The following FARS2 variants were observed in gnomAD, a reference collection of about 807,000 sequenced individuals.
FARS2 encodes phenylalanine--tRNA ligase, mitochondrial.
FARS2 carries 40 observed loss-of-function variants against 46.4 expected under a neutral mutation model. The ratio of observed to expected loss-of-function variants is 0.86; its 90% CI spans 0.67 to 1.12. The LOEUF (loss-of-function observed/expected upper bound fraction) is 1.12. Among genes scored for constraint, FARS2 ranks in the 50% most tolerant of loss-of-function variants. The pLI, the probability that FARS2 is intolerant of heterozygous loss-of-function variation, is 0.00. For missense variants in FARS2, 513 were observed against 567.9 expected (o/e 0.90, Z 0.98); for synonymous variants, 234 against 214.9 (o/e 1.09, Z -0.78).
chr6:5,548,062 G>A (rs1025633824), intron 5 of FARS2, among the ~76,000 whole-genome samples: 1 of 152,216 alleles, frequency 6.6e-6, no homozygotes, highest in Non-Finnish European at 1.5e-5. Context: ...TTACATGGCA[G>A]CAGCAAGAGA....
intron 1 of FARS2, among the ~76,000 whole-genome samples, chr6:5,315,761 T>TCTTTCTTTCTTCC (rs1561952069): frequency 7.5e-6 from 1 of 132,714 alleles, no homozygotes; most frequent in Non-Finnish European, 1.6e-5. Flanking sequence ...TTTCTTTCTT[T>TCTTTCTTTCTTCC]TTTTTGGGGA....
chr6:5,426,853 T>G (rs369877506), intron 3 of FARS2, among the ~76,000 whole-genome samples: 13 of 152,344 alleles, frequency 8.5e-5, no homozygotes, highest in African/African-American at 2.6e-4. Context: ...CTCGAACTCC[T>G]GATCTTAACT....
rs546493305 is a variant in FARS2, at chr6:5,487,914, T to C, written c.904+56742T>C. 5.1e-4 allele frequency among the ~76,000 whole-genome samples: 78 copies of C among 152,206 alleles called. 1 individual carries two copies. In the Middle Eastern group the frequency reaches 0.024, roughly 46 times the overall value. ...GGCATGTGGAAAGGCTCAGTAAGCA[T>C]TGATGAGCAGACTGACTTCCATATT... On this transcript the variant is annotated intron_variant, in intron 4 of 6. Transcript: ENST00000274680.
In FARS2 at chr6:5,474,099, C is replaced by T. The variant is rs974131348; in HGVS notation, c.904+42927C>T. On this transcript the variant is annotated intron_variant, in intron 4 of 6. Coordinates refer to ENST00000274680, the MANE Select transcript of FARS2 (RefSeq NM_006567.5). ...AAACACATCATTCATGAATGTCCTT[C>T]ATACCCATCAAACTAAAGGACTGCA... Among the ~76,000 whole-genome samples the T allele has an allele frequency of 3.2e-4, 49 of 152,184 alleles. 1 individual carries two copies. The highest frequency in any genetic ancestry group is 3.2e-3 in the Admixed American group (49 of 15,282).
At chr6:5,770,717 A>G (rs1053066464) in intron 6 of FARS2, among the ~76,000 whole-genome samples, 1 of 152,180 alleles carries the variant, frequency 6.6e-6, no homozygotes, top group Non-Finnish European at 1.5e-5. Flanking sequence ...GTCAACACCA[A>G]TGTCATAAAG....
chr6:5,758,043 C>T (rs553677447), intron 6 of FARS2, among the ~76,000 whole-genome samples: 262 of 152,252 alleles, frequency 1.7e-3, no homozygotes, highest in African/African-American at 5.9e-3. Context: ...GGGATAGTCA[C>T]GTTCCTCCCT....
intron 1 of FARS2, among the ~76,000 whole-genome samples, chr6:5,332,153 G>T (rs797130): frequency 0.13 from 19,447 of 152,144 alleles, 1,665 homozygotes; most frequent in African/African-American, 0.24. Flanking sequence ...TCAGACCCAG[G>T]ACTGTGTAAC....
intron 6 of FARS2, chr6:5,694,771 G>A (rs1757987343): frequency 6.6e-6 from 1 of 151,174 alleles, no homozygotes. Context: ...TGGAGGCCTA[G>A]GCAGGAGGAT....
chr6:5,672,768 T>C (rs1172005972), intron 6 of FARS2, among the ~76,000 whole-genome samples: 1 of 152,150 alleles, frequency 6.6e-6, no homozygotes, highest in Admixed American at 6.5e-5. Context: ...GAGGCCACAG[T>C]GATTCATGAT....
intron 5 of FARS2, among the ~76,000 whole-genome samples, chr6:5,556,713 G>C (rs569961496): frequency 2.0e-5 from 3 of 152,060 alleles, no homozygotes; most frequent in African/African-American, 7.2e-5. Flanking sequence ...AAAAATGAAC[G>C]ATCTAGGTCC....
chr6:5,696,475 G>T (rs933785123), intron 6 of FARS2, among the ~76,000 whole-genome samples: 2 of 152,084 alleles, frequency 1.3e-5, no homozygotes, highest in African/African-American at 2.4e-5. Context: ...GTAGCCAGTA[G>T]AGATATGAAA....
At chr6:5,608,679 G>A (rs554430512) in intron 5 of FARS2, among the ~76,000 whole-genome samples, 2 of 152,046 alleles carry the variant, frequency 1.3e-5, no homozygotes, top group South Asian at 4.2e-4. Context: ...TTTTGCTTGG[G>A]TAATCCCTTT....
At chr6:5,735,192 C>T (rs980129702) in intron 6 of FARS2, among the ~76,000 whole-genome samples, 5 of 152,226 alleles carry the variant, frequency 3.3e-5, no homozygotes, top group African/African-American at 1.2e-4. Context: ...TATAGAATTA[C>T]ATCTATGCAA....
intron 3 of FARS2, among the ~76,000 whole-genome samples, chr6:5,419,846 G>GCTC (rs1762446095): frequency 6.6e-6 from 1 of 152,120 alleles, no homozygotes; most frequent in Admixed American, 6.5e-5. Context: ...CAGGAGGCAG[G>GCTC]CTCCTGGTTC....
intron 6 of FARS2, among the ~76,000 whole-genome samples, chr6:5,626,656 A>T (rs1268666324): frequency 6.6e-6 from 1 of 152,294 alleles, no homozygotes; most frequent in South Asian, 2.1e-4. Context: ...TTCACCTCAG[A>T]CCTGGTTAGA....
At chr6:5,289,243 G>A (rs977713087) in intron 1 of FARS2, among the ~76,000 whole-genome samples, 2 of 152,208 alleles carry the variant, frequency 1.3e-5, no homozygotes, top group East Asian at 1.9e-4. Flanking sequence ...CTTTCTACCA[G>A]TGCTCCAAAG....
At chr6:5,500,041 G>A (rs6597135) in intron 4 of FARS2, among the ~76,000 whole-genome samples, 83,069 of 151,930 alleles carry the variant, frequency 0.55, 23,327 homozygotes, top group Non-Finnish European at 0.61. Flanking sequence ...TTCTAGGGGT[G>A]GTGTCCTTTC....
chr6:5,438,999 A>G (rs1357414476), intron 4 of FARS2, among the ~76,000 whole-genome samples: 2 of 152,184 alleles, frequency 1.3e-5, no homozygotes, highest in Admixed American at 1.3e-4. Context: ...GCATCCTGTC[A>G]TCTGTGGTGA....
chr6:5,516,286 G>A (rs1326226417), intron 4 of FARS2, among the ~76,000 whole-genome samples: 1 of 152,130 alleles, frequency 6.6e-6, no homozygotes, highest in Non-Finnish European at 1.5e-5. Context: ...GACTATAGAG[G>A]GGCCAGAAAG....
Sources: gnomAD v4.1 joint callset for allele counts (sites outside exome capture counted in the v4.1 genomes callset) on GRCh38, gnomAD v4.1.1 for gene constraint, MANE v1.5 for transcripts, NCBI Gene and HGNC (gene_info 2026-07-23, HGNC 2026-07-21) for gene names.